SI: variants seen among roughly 807,000 people sequenced by gnomAD.
SI encodes sucrase-isomaltase.
In SI, 235 loss-of-function variants were observed where a neutral mutation model predicts 253.3. The observed-to-expected ratio is 0.93, with a 90% CI of 0.83 to 1.03. The LOEUF (loss-of-function observed/expected upper bound fraction) is 1.03. Among genes scored for constraint, SI ranks in the 50% least tolerant of loss-of-function variants. The pLI is 0.00. For missense variants in SI, 2,442 were observed against 2,211.1 expected, an observed-to-expected ratio of 1.10 and a Z score of -2.09; for synonymous variants, 819 against 712.0, an observed-to-expected ratio of 1.15 and a Z score of -2.39.
intron 35 of SI, 92 bp downstream of exon 35, chr3:165,009,187 A>T: frequency 2.3e-6 from 2 of 860,028 alleles, no homozygotes; most frequent in Admixed American, 3.8e-5. Context: ...CAAATAAAAT[A>T]TTTTGTTGAC....
chr3:164,984,183 T>G (rs1717329845), intron 45 of SI, among the ~76,000 whole-genome samples: 7 of 152,050 alleles, frequency 4.6e-5, no homozygotes, highest in Admixed American at 4.6e-4. Context: ...TAAGCATACA[T>G]AAGATAGAGC....
chr3:165,080,137 A>C (rs143115580), upstream of SI, among the ~76,000 whole-genome samples: 764 of 152,158 alleles, frequency 5.0e-3, 5 homozygotes, highest in African/African-American at 0.017. Context: ...GAAAAGTTAT[A>C]AACTACTGAT....
chr3:164,982,926 C>T (rs1232331322), intron 46 of SI, 76 bp downstream of exon 46: 6 of 1,395,554 alleles, frequency 4.3e-6, no homozygotes, highest in African/African-American at 1.4e-5. Context: ...ACTAGGATTA[C>T]AGGCATGAGC....
intron 25 of SI, among the ~76,000 whole-genome samples, chr3:165,026,633 C>T (rs1196924172): frequency 6.6e-6 from 1 of 151,226 alleles, no homozygotes; most frequent in Non-Finnish European, 1.5e-5. Flanking sequence ...TCTGAGACCA[C>T]AGTAAAATAA....
chr3:165,020,521 G>A (rs190193250), intron 27 of SI, among the ~76,000 whole-genome samples: 1 of 151,558 alleles, frequency 6.6e-6, no homozygotes, highest in Admixed American at 6.6e-5. Context: ...TTTATAAAAT[G>A]ACTTAGCTTC....
chr3:165,030,569 A>G, intron 25 of SI, 143 bp downstream of exon 25: 1 of 826,230 alleles, frequency 1.2e-6, no homozygotes, highest in Non-Finnish European at 2.0e-6. Context: ...ATTGCCTGTC[A>G]GAGATGCTAA....
chr3:165,010,040 G>A (rs142258073), intron 34 of SI, among the ~76,000 whole-genome samples: 1 of 152,212 alleles, frequency 6.6e-6, no homozygotes, highest in Non-Finnish European at 1.5e-5. Context: ...ATGCTTTTTT[G>A]GCACATGTTA....
Position 164,979,440 on chromosome 3 carries a change from TA to T in SI, c.5416-11del. ...GATCAATACGTAATATCTAAAAAAGTAAAATAATAATTAGTTGTTTAATCAC... is the reference window on the plus strand; with the variant it reads ...GATCAATACGTAATATCTAAAAAAGTAAATAATAATTAGTTGTTTAATCAC... On this transcript the variant is annotated splice_polypyrimidine_tract_variant and intron_variant, in intron 47 of 47. Transcript: ENST00000264382. The T allele has an allele frequency of 7.1e-7, 1 of 1,399,140 alleles. No individual in the cohort carries two copies. The highest frequency in any genetic ancestry group is 1.0e-6 in the Non-Finnish European group (1 of 987,620). 86.7% of individuals were successfully genotyped at this position (1,399,140 alleles called of 1,614,324 possible).
At position 165,069,077 on chromosome 3, in the gene SI, C is replaced by T. The variant is rs772671498; in HGVS notation, c.373+1G>A. ...AATCATTATAACAGAGGACTTCTTA[C>T]CAATACTTGTTGTTGTCATGTCTTG... On this transcript the variant is annotated splice_donor_variant, in intron 4 of 47. Transcript: ENST00000264382. LOFTEE classifies it high-confidence loss of function. 1.4e-5 allele frequency: 23 copies of T among 1,587,218 alleles called. No individual in the cohort carries two copies. The highest frequency in any genetic ancestry group is 2.7e-5 in the African/African-American group (2 of 74,344).
At chr3:165,008,661 G>T (rs1043544017) in intron 35 of SI, among the ~76,000 whole-genome samples, 19 of 151,744 alleles carry the variant, frequency 1.3e-4, no homozygotes, top group Admixed American at 1.2e-3. Flanking sequence ...TATCTACAAA[G>T]TTTCCACATA....
intron 14 of SI, among the ~76,000 whole-genome samples, chr3:165,049,468 T>C (rs536028155): frequency 6.6e-6 from 1 of 152,142 alleles, no homozygotes; most frequent in African/African-American, 2.4e-5. Flanking sequence ...TATATTTACA[T>C]TGGCAAATAC....
chr3:165,075,742 A>C lies in SI; in HGVS notation c.118+153T>G, dbSNP rs142673247. On this transcript the variant is annotated intron_variant, in intron 2 of 47. Transcript: ENST00000264382. ...ATCATTGAAATATGGAATATAATGA[A>C]TAGAAAAAGTGGAAGTAATTGTGTA... Among the ~76,000 whole-genome samples the C allele has an allele frequency of 9.0e-4, 137 of 152,078 alleles. 1 individual carries two copies. The highest frequency in any genetic ancestry group is 3.2e-3 in the African/African-American group (132 of 41,552).
chr3:164,985,399 C>T (rs1440477670), intron 45 of SI, among the ~76,000 whole-genome samples: 1 of 152,108 alleles, frequency 6.6e-6, no homozygotes, highest in East Asian at 1.9e-4. Flanking sequence ...AAGGTCAGAG[C>T]TCTAAAAGCA....
At chr3:165,026,374 C>T (rs913632231) in intron 25 of SI, among the ~76,000 whole-genome samples, 2 of 151,274 alleles carry the variant, frequency 1.3e-5, no homozygotes, top group African/African-American at 4.8e-5. Context: ...GTCAGCAACA[C>T]AGTAATAGTG....
intron 25 of SI, among the ~76,000 whole-genome samples, chr3:165,030,243 A>G (rs527523691): frequency 6.6e-6 from 1 of 151,080 alleles, no homozygotes; most frequent in South Asian, 2.1e-4. Flanking sequence ...AGCCATCATC[A>G]TTTTGTTAAA....
chr3:165,025,024 CT>C (rs1711831695), intron 25 of SI, among the ~76,000 whole-genome samples: 1 of 151,194 alleles, frequency 6.6e-6, no homozygotes, highest in African/African-American at 2.4e-5. Flanking sequence ...GTTCAATTGG[CT>C]TCCAGGACCC....
At chr3:165,005,611 TTTAA>T (rs1718467368) in intron 37 of SI, among the ~76,000 whole-genome samples, 1 of 152,230 alleles carries the variant, frequency 6.6e-6, no homozygotes, top group Non-Finnish European at 1.5e-5. Flanking sequence ...TTATTTCATA[TTTAA>T]TTATTGTATA....
chr3:165,086,520 T>A, the SI span, among the ~76,000 whole-genome samples: 3,859 of 152,262 alleles, frequency 0.025, 79 homozygotes, highest in Middle Eastern at 0.065. Context: ...GGCAACAGGA[T>A]TTTTCAAAAA....
At chr3:165,016,993 G>T (rs533406353) in intron 31 of SI, among the ~76,000 whole-genome samples, 1 of 151,842 alleles carries the variant, frequency 6.6e-6, no homozygotes, top group African/African-American at 2.4e-5. Context: ...TAATGTTTGG[G>T]TGTTAGCAGC....
Sources: gnomAD v4.1 joint callset for allele counts (sites outside exome capture counted in the v4.1 genomes callset) on GRCh38, gnomAD v4.1.1 for gene constraint, MANE v1.5 for transcripts, NCBI Gene and HGNC (gene_info 2026-07-23, HGNC 2026-07-21) for gene names.